The following MKLN1 variants were observed in gnomAD, a reference collection of about 807,000 sequenced individuals.
MKLN1 encodes the protein muskelin 1.
MKLN1 carries 18 observed loss-of-function variants against 99.0 expected under a neutral mutation model. The observed-to-expected ratio is 0.18, with a 90% CI of 0.13 to 0.27. MKLN1 has a LOEUF of 0.27. Among genes scored for constraint, MKLN1 ranks in the 10% least tolerant of loss-of-function variants. The pLI, the probability that MKLN1 is intolerant of heterozygous loss-of-function variation, is 1.00. For missense variants in MKLN1, 621 were observed against 875.9 expected, an observed-to-expected ratio of 0.71 and a Z score of 3.67; for synonymous variants, 288 against 293.2, an observed-to-expected ratio of 0.98 and a Z score of 0.18.
At chr7:131,235,649 A>G (rs1249804902) in intron 3 of MKLN1, among the ~76,000 whole-genome samples, 2 of 152,146 alleles carry the variant, frequency 1.3e-5, no homozygotes, top group African/African-American at 2.4e-5. Flanking sequence ...TGTAAATAGG[A>G]CTTCACTGTG....
rs187743795 is a variant in MKLN1, at chr7:131,172,165, G to T, written c.-297+29224G>T. On this transcript the variant is annotated intron_variant, in intron 2 of 7. Coordinates refer to the MKLN1 transcript ENST00000416992. ...ATTTTATATATACTTTTTTGAGATGGAGTCTCGCTCTGTCGCCCAGGCTGG... is the reference window on the plus strand; with the variant it reads ...ATTTTATATATACTTTTTTGAGATGTAGTCTCGCTCTGTCGCCCAGGCTGG... Among the ~76,000 whole-genome samples the T allele has an allele frequency of 5.3e-3, 798 of 151,896 alleles. 5 individuals carry two copies. The highest frequency in any genetic ancestry group is 0.027 in the South Asian group (129 of 4,804).
intron 3 of MKLN1, among the ~76,000 whole-genome samples, chr7:131,288,653 G>T (rs989100514): frequency 6.6e-6 from 1 of 152,138 alleles, no homozygotes; most frequent in South Asian, 2.1e-4. Flanking sequence ...ACACAGTGCC[G>T]CCCTAGCAAC....
At chr7:131,176,094 T>G (rs550817761) in intron 2 of MKLN1, among the ~76,000 whole-genome samples, 1 of 152,326 alleles carries the variant, frequency 6.6e-6, no homozygotes, top group Admixed American at 6.5e-5. Context: ...AACTTCAAAG[T>G]TTATTATTTT....
intron 3 of MKLN1, among the ~76,000 whole-genome samples, chr7:131,209,631 C>T (rs1796871130): frequency 6.6e-6 from 1 of 152,188 alleles, no homozygotes; most frequent in South Asian, 2.1e-4. Context: ...ATAGCTGTTC[C>T]TTTCTTCCTC....
chr7:131,132,152 T>C (rs577080413), intron 1 of MKLN1, among the ~76,000 whole-genome samples: 1 of 152,318 alleles, frequency 6.6e-6, no homozygotes, highest in East Asian at 1.9e-4. Flanking sequence ...TTGGAAGACA[T>C]AGTATATCAA....
intron 2 of MKLN1, 28 bp from the exon 3 acceptor site, chr7:131,387,092 G>T: frequency 1.3e-6 from 2 of 1,567,538 alleles, no homozygotes; most frequent in South Asian, 1.2e-5. Flanking sequence ...AACAGAAGAG[G>T]ATATAATTTG....
At chr7:131,380,776 A>G (rs1309460857) in intron 2 of MKLN1, among the ~76,000 whole-genome samples, 3 of 152,182 alleles carry the variant, frequency 2.0e-5, no homozygotes, top group African/African-American at 7.2e-5. Context: ...AATTCTTCCC[A>G]TAATCATACG....
At position 131,115,766 on chromosome 7, in the gene MKLN1, T is replaced by C. The variant is rs138504657; in HGVS notation, c.-419+5559T>C. On this transcript the variant is annotated intron_variant, in intron 1 of 7. Transcript: ENST00000416992. ...CTTGTATTATAGGATTTACCCTATA[T>C]ACTTCCTTTTCCTGGAATACTCTTT... Among the ~76,000 whole-genome samples, 1,036 of 152,312 alleles carry C rather than the reference T, an allele frequency of 6.8e-3. 18 individuals are homozygous for C. Among genetic ancestry groups the C allele is most frequent in the African/African-American group, 0.023 (969 of 41,568 alleles).
rs1012232026 is a variant in MKLN1 at position 131,483,453 on chromosome 7, C to A, written c.2087-4154C>A. Among the ~76,000 whole-genome samples the A allele has an allele frequency of 1.3e-5, 2 of 152,190 alleles. 1 individual carries two copies. Among genetic ancestry groups the A allele is most frequent in the South Asian group, 4.1e-4 (2 of 4,830 alleles). Reference sequence around the variant, plus strand: ...GGTTCCTACAAGCCTCTGGTCACAACATTTTATCTACTGATTAATATATAA... The same window carrying A: ...GGTTCCTACAAGCCTCTGGTCACAAAATTTTATCTACTGATTAATATATAA... On this transcript the variant is annotated intron_variant, in intron 17 of 17. Coordinates refer to ENST00000352689, the MANE Select transcript of MKLN1 (RefSeq NM_013255.5).
intron 2 of MKLN1, among the ~76,000 whole-genome samples, chr7:131,199,193 G>A (rs1460950191): frequency 4.0e-5 from 6 of 151,566 alleles, no homozygotes; most frequent in African/African-American, 1.5e-4. Flanking sequence ...GCTGAATTGA[G>A]GGTTAAAGCA....
intron 8 of MKLN1, among the ~76,000 whole-genome samples, chr7:131,426,346 G>C (rs1322773301): frequency 1.3e-5 from 2 of 152,154 alleles, no homozygotes. Context: ...TGCTATTTTA[G>C]TTATATACCC....
intron 3 of MKLN1, among the ~76,000 whole-genome samples, chr7:131,232,227 A>G (rs2116476776): frequency 6.6e-6 from 1 of 152,362 alleles, no homozygotes; most frequent in Non-Finnish European, 1.5e-5. Context: ...TTGAGAAATT[A>G]TAATAAAGAT....
chr7:131,320,814 C>A (rs540059748), intron 3 of MKLN1, among the ~76,000 whole-genome samples: 1 of 152,226 alleles, frequency 6.6e-6, no homozygotes, highest in South Asian at 2.1e-4. Flanking sequence ...ATGTGGCCAA[C>A]AAACATATGA....
intron 1 of MKLN1, among the ~76,000 whole-genome samples, chr7:131,130,679 T>C (rs1795535958): frequency 6.6e-6 from 1 of 152,246 alleles, no homozygotes; most frequent in East Asian, 1.9e-4. Flanking sequence ...AACAGTATTA[T>C]TCAGTATTAT....
At chr7:131,167,594 C>G (rs1796144626) in intron 2 of MKLN1, among the ~76,000 whole-genome samples, 1 of 150,198 alleles carries the variant, frequency 6.7e-6, no homozygotes, top group Non-Finnish European at 1.5e-5. Context: ...ATCACCTGAG[C>G]CTGGGAGGTT....
intron 17 of MKLN1, among the ~76,000 whole-genome samples, chr7:131,480,684 G>A (rs1309244983): frequency 6.6e-6 from 1 of 152,166 alleles, no homozygotes; most frequent in East Asian, 1.9e-4. Flanking sequence ...TCTGTGAGCT[G>A]GAGAACCTAG....
chr7:131,296,548 G>T (rs1798294455), intron 3 of MKLN1, among the ~76,000 whole-genome samples: 1 of 152,152 alleles, frequency 6.6e-6, no homozygotes, highest in Non-Finnish European at 1.5e-5. Context: ...GAAGAACATG[G>T]GTTTGAATTG....
intron 3 of MKLN1, among the ~76,000 whole-genome samples, chr7:131,248,068 A>G (rs1041823669): frequency 9.7e-6 from 1 of 103,126 alleles, no homozygotes; most frequent in African/African-American, 7.8e-5. Context: ...TCAGCTAATT[A>G]CATTTATTAT....
chr7:131,376,484 A>T (rs1416723892), intron 2 of MKLN1, among the ~76,000 whole-genome samples: 1 of 151,212 alleles, frequency 6.6e-6, no homozygotes, highest in Admixed American at 6.6e-5. Flanking sequence ...TCCACTAAAA[A>T]TACAAAAATT....
Sources: allele counts gnomAD v4.1 joint callset (sites outside exome capture counted in the v4.1 genomes callset), GRCh38; gene constraint gnomAD v4.1.1; transcripts MANE v1.5; gene names NCBI Gene and HGNC (gene_info 2026-07-23, HGNC 2026-07-21).